The following MKLN1 variants were observed in gnomAD, a reference collection of about 807,000 sequenced individuals.
The protein encoded by MKLN1 is muskelin 1, also known as muskelin.
Under a neutral mutation model 99.0 loss-of-function variants are expected in MKLN1, and 18 were observed. The observed-to-expected ratio is 0.18, with a 90% CI of 0.13 to 0.27. MKLN1 has a LOEUF of 0.27. MKLN1 is among the 10% of genes least tolerant of loss of function. The pLI is 1.00. For synonymous variants in MKLN1, 288 were observed against 293.2 expected, an observed-to-expected ratio of 0.98 and a Z score of 0.18; for missense variants, 621 against 875.9, an observed-to-expected ratio of 0.71 and a Z score of 3.67.
At chr7:131,144,275 TC>T (rs1453675217) in intron 2 of MKLN1, among the ~76,000 whole-genome samples, 2 of 150,846 alleles carry the variant, frequency 1.3e-5, no homozygotes, top group Non-Finnish European at 3.0e-5. Flanking sequence ...GATCATGAGG[TC>T]AGGAGATCGA....
chr7:131,114,567 A>C (rs1367101801), intron 1 of MKLN1, among the ~76,000 whole-genome samples: 2 of 152,228 alleles, frequency 1.3e-5, no homozygotes, highest in African/African-American at 2.4e-5. Flanking sequence ...ATATCCCAAG[A>C]GGTAGGAGGA....
intron 1 of MKLN1, among the ~76,000 whole-genome samples, chr7:131,365,661 T>G (rs1253791971): frequency 6.6e-6 from 1 of 152,192 alleles, no homozygotes; most frequent in African/African-American, 2.4e-5. Flanking sequence ...CTTTTGCATA[T>G]GGCTAGCCAG....
intron 1 of MKLN1, among the ~76,000 whole-genome samples, chr7:131,133,815 A>ATTT (rs1795601975): frequency 1.9e-5 from 1 of 51,644 alleles, no homozygotes; most frequent in African/African-American, 9.8e-5. Context: ...TTTTTTTTTA[A>ATTT]TTTGGTTTTT....
chr7:131,263,618 C>G (rs1380308769), intron 3 of MKLN1, among the ~76,000 whole-genome samples: 1 of 150,932 alleles, frequency 6.6e-6, no homozygotes, highest in Non-Finnish European at 1.5e-5. Flanking sequence ...GTAGCCCAGG[C>G]TGGAGTGCAG....
chr7:131,459,172 G>T (rs190392194), intron 12 of MKLN1, among the ~76,000 whole-genome samples: 1 of 152,174 alleles, frequency 6.6e-6, no homozygotes, highest in South Asian at 2.1e-4. Context: ...AACAAGGCCC[G>T]TCTGTTCAGA....
chr7:131,125,886 G>GTGGCC (rs2116211028), intron 1 of MKLN1, among the ~76,000 whole-genome samples: 1 of 151,420 alleles, frequency 6.6e-6, no homozygotes, highest in Non-Finnish European at 1.5e-5. Context: ...GCCACCTGTA[G>GTGGCC]TCCCAGCTAC....
chr7:131,445,746 C>T lies in MKLN1; in HGVS notation c.1396-28C>T, dbSNP rs749588425. 5.7e-6 allele frequency: 9 copies of T among 1,565,598 alleles called. No homozygotes were observed. The East Asian group carries it at 1.8e-4, about 31-fold the overall frequency. The stretch of plus-strand genomic sequence containing the variant: ...TCTTCATGGAAGTGATAAGTTACTC[C>T]TTTCTTTTTTTTTTTCTTCTTTTTC... On this transcript the variant is annotated intron_variant, in intron 11 of 17. Transcript: ENST00000352689.
At chr7:131,422,914 C>T (rs544658684) in intron 8 of MKLN1, among the ~76,000 whole-genome samples, 15 of 152,242 alleles carry the variant, frequency 9.9e-5, no homozygotes, top group Non-Finnish European at 1.8e-4. Flanking sequence ...TGAATTTGTC[C>T]TACTGGATCA....
intron 2 of MKLN1, among the ~76,000 whole-genome samples, chr7:131,178,271 A>G (rs768634287): frequency 7.6e-6 from 1 of 131,466 alleles, no homozygotes; most frequent in Non-Finnish European, 1.6e-5. Flanking sequence ...CGCCTGCCAC[A>G]TGCCCGGCTT....
At chr7:131,328,300 G>C in intron 1 of MKLN1, 1 of 343,130 alleles carries the variant, frequency 2.9e-6, no homozygotes, top group Non-Finnish European at 5.4e-6. Context: ...AGGTTGAGGA[G>C]GGCTTGGGGG....
At chr7:131,387,922 A>G (rs1794079543) in intron 3 of MKLN1, among the ~76,000 whole-genome samples, 1 of 152,212 alleles carries the variant, frequency 6.6e-6, no homozygotes, top group Non-Finnish European at 1.5e-5. Flanking sequence ...TAATCCCAGA[A>G]CTTTGGGAGG....
At chr7:131,411,591 G>A (rs1379321583) in intron 7 of MKLN1, among the ~76,000 whole-genome samples, 3 of 102,500 alleles carry the variant, frequency 2.9e-5, no homozygotes, top group African/African-American at 4.2e-5. Context: ...TGGGCAACAT[G>A]GTGAGACCTG....
intron 3 of MKLN1, among the ~76,000 whole-genome samples, chr7:131,236,786 A>G (rs1797328166): frequency 6.6e-6 from 1 of 152,002 alleles, no homozygotes. Flanking sequence ...GGAGTTTAAG[A>G]CCAGCTTGGG....
In MKLN1 at chr7:131,120,519, G is replaced by A. The variant is rs540329892; in HGVS notation, c.-419+10312G>A. 4.7e-4 allele frequency among the ~76,000 whole-genome samples: 60 copies of A among 128,790 alleles called. 1 individual carries two copies. The highest frequency in any genetic ancestry group is 5.0e-3 in the Middle Eastern group (1 of 200). The allele number at this position is 128,790 out of a possible 152,430, so 84.5% of individuals were successfully genotyped here. On this transcript the variant is annotated intron_variant, in intron 1 of 7. Coordinates refer to the MKLN1 transcript ENST00000416992. ...AGCTGAGATCACGCCACTGCACTCCGGCCTGGGAGACAGAGCAAGACTCCC... is the reference window on the plus strand; with the variant it reads ...AGCTGAGATCACGCCACTGCACTCCAGCCTGGGAGACAGAGCAAGACTCCC...
At chr7:131,363,412 T>C (rs1800086500) in intron 1 of MKLN1, among the ~76,000 whole-genome samples, 1 of 152,056 alleles carries the variant, frequency 6.6e-6, no homozygotes, top group Non-Finnish European at 1.5e-5. Flanking sequence ...TTTGCTTAGG[T>C]CTATTTCTGT....
intron 3 of MKLN1, among the ~76,000 whole-genome samples, chr7:131,312,670 GA>G: frequency 6.6e-6 from 1 of 152,042 alleles, no homozygotes; most frequent in South Asian, 2.1e-4. Flanking sequence ...TTACGTAAAG[GA>G]AAAAAATTAC....
chr7:131,329,463 G>A (rs1799003939), intron 1 of MKLN1, among the ~76,000 whole-genome samples: 2 of 152,160 alleles, frequency 1.3e-5, no homozygotes, highest in African/African-American at 2.4e-5. Flanking sequence ...CTATGTACTT[G>A]ACCTCTGATA....
chr7:131,141,025 C>A (rs966757383), intron 1 of MKLN1, among the ~76,000 whole-genome samples: 7 of 152,142 alleles, frequency 4.6e-5, no homozygotes, highest in Non-Finnish European at 1.0e-4. Context: ...ATCTCGTGAT[C>A]CACCCACCTT....
intron 1 of MKLN1, among the ~76,000 whole-genome samples, chr7:131,364,640 C>T (rs777595238): frequency 7.2e-5 from 11 of 152,076 alleles, no homozygotes; most frequent in Non-Finnish European, 1.2e-4. Flanking sequence ...ACCCTCCACC[C>T]TCAAGTAGTC....
Sources: allele counts gnomAD v4.1 joint callset (sites outside exome capture counted in the v4.1 genomes callset), GRCh38; gene constraint gnomAD v4.1.1; transcripts MANE v1.5; gene names NCBI Gene and HGNC (gene_info 2026-07-23, HGNC 2026-07-21).